TRHDE: variants seen among roughly 807,000 people sequenced by gnomAD.
The protein encoded by TRHDE is thyrotropin-releasing hormone-degrading ectoenzyme.
A neutral mutation model predicts 125.7 loss-of-function variants in TRHDE; 72 were observed. That is an observed-to-expected ratio of 0.57 (90% CI 0.47 to 0.70). The LOEUF (loss-of-function observed/expected upper bound fraction) is 0.70. Among genes scored for constraint, TRHDE ranks in the 30% least tolerant of loss-of-function variants. The pLI, the probability that TRHDE is intolerant of heterozygous loss-of-function variation, is 0.00. For synonymous variants in TRHDE, 509 were observed against 509.1 expected, an observed-to-expected ratio of 1.00 and a Z score of 0.00; for missense variants, 1,110 against 1,327.1, an observed-to-expected ratio of 0.84 and a Z score of 2.54.
intron 15 of TRHDE, among the ~76,000 whole-genome samples, chr12:72,628,336 G>C (rs898513241): frequency 1.3e-5 from 2 of 151,836 alleles, no homozygotes; most frequent in East Asian, 1.9e-4. Context: ...GTCTACAGGA[G>C]AGATGCACAT....
At chr12:72,105,233 T>G (rs1371891079) in intron 1 of TRHDE, among the ~76,000 whole-genome samples, 1 of 152,104 alleles carries the variant, frequency 6.6e-6, no homozygotes, top group Non-Finnish European at 1.5e-5. Context: ...AAAGCTGCCA[T>G]TGTAACTCAG....
At chr12:72,212,175 TG>T (rs201561313) in intron 2 of TRHDE, among the ~76,000 whole-genome samples, 2,408 of 152,238 alleles carry the variant, frequency 0.016, 26 homozygotes, top group Non-Finnish European at 0.026. Flanking sequence ...TTTTCTCTAA[TG>T]AACATGTATT....
intron 2 of TRHDE, among the ~76,000 whole-genome samples, chr12:72,325,286 C>T (rs1315225386): frequency 2.0e-5 from 3 of 151,968 alleles, no homozygotes; most frequent in Non-Finnish European, 4.4e-5. Context: ...GTTTTATTCT[C>T]ACATAGCCAC....
At chr12:72,512,607 AATT>A (rs946869758) in intron 6 of TRHDE, among the ~76,000 whole-genome samples, 6 of 141,910 alleles carry the variant, frequency 4.2e-5, no homozygotes, top group Admixed American at 1.5e-4. Flanking sequence ...TCATATATAT[AATT>A]ATATATAATC....
chr12:72,661,798 C>A (rs778463941), intron 18 of TRHDE, among the ~76,000 whole-genome samples: 2 of 152,034 alleles, frequency 1.3e-5, no homozygotes, highest in Non-Finnish European at 2.9e-5. Context: ...GTTTTAAGGA[C>A]AACACCCATA....
intron 12 of TRHDE, among the ~76,000 whole-genome samples, chr12:72,581,333 G>A (rs895702071): frequency 2.0e-5 from 3 of 152,156 alleles, no homozygotes; most frequent in African/African-American, 4.8e-5. Flanking sequence ...AGTTATAAAT[G>A]TGCATATCAC....
At chr12:72,559,404 G>A (rs1274701999) in intron 7 of TRHDE, among the ~76,000 whole-genome samples, 1 of 152,192 alleles carries the variant, frequency 6.6e-6, no homozygotes, top group Non-Finnish European at 1.5e-5. Context: ...TGGACCTTGT[G>A]TTTGAACCAA....
intron 12 of TRHDE, among the ~76,000 whole-genome samples, chr12:72,586,780 T>C (rs1196764260): frequency 7.0e-6 from 1 of 142,648 alleles, no homozygotes; most frequent in Non-Finnish European, 1.5e-5. Flanking sequence ...CAGGTGGTCA[T>C]GCTAACCAAA....
At chr12:72,338,338 T>C (rs1005475422) in intron 2 of TRHDE, among the ~76,000 whole-genome samples, 2 of 152,188 alleles carry the variant, frequency 1.3e-5, no homozygotes, top group Non-Finnish European at 2.9e-5. Flanking sequence ...GTAAACAGAA[T>C]GTGATCTTAA....
intron 15 of TRHDE, among the ~76,000 whole-genome samples, chr12:72,644,144 T>C (rs2136103041): frequency 6.6e-6 from 1 of 152,268 alleles, no homozygotes; most frequent in Admixed American, 6.5e-5. Flanking sequence ...CTAATTGAAA[T>C]GTTCCTGTAT....
At chr12:72,206,086 ATTTTTTTT>A (rs34424314) in intron 2 of TRHDE, among the ~76,000 whole-genome samples, 1 of 135,564 alleles carries the variant, frequency 7.4e-6, no homozygotes, top group Non-Finnish European at 1.6e-5. Context: ...CAAAGGACAG[ATTTTTTTT>A]TTTTTTTTTT....
intron 15 of TRHDE, among the ~76,000 whole-genome samples, chr12:72,649,877 C>T (rs1331700566): frequency 6.6e-6 from 1 of 151,996 alleles, no homozygotes; most frequent in East Asian, 1.9e-4. Flanking sequence ...AAACAAAACA[C>T]AGCAAATGTT....
intron 2 of TRHDE, among the ~76,000 whole-genome samples, chr12:72,299,721 G>A (rs182719401): frequency 2.6e-5 from 4 of 152,250 alleles, no homozygotes; most frequent in African/African-American, 7.2e-5. Context: ...AATCAACTCA[G>A]TGTCCTCTTT....
At chr12:72,597,466 G>A (rs1168398527) in intron 12 of TRHDE, among the ~76,000 whole-genome samples, 2 of 151,588 alleles carry the variant, frequency 1.3e-5, no homozygotes, top group Admixed American at 6.6e-5. Flanking sequence ...TCAGGAGTTC[G>A]AGACCAGCCT....
chr12:72,108,081 G>A (rs945617196), intron 2 of TRHDE, among the ~76,000 whole-genome samples: 1 of 152,046 alleles, frequency 6.6e-6, no homozygotes, highest in Admixed American at 6.6e-5. Context: ...GCCAGGAGAA[G>A]GCATAGCACT....
intron 15 of TRHDE, among the ~76,000 whole-genome samples, chr12:72,635,553 T>G (rs1565818124): frequency 6.6e-6 from 1 of 152,162 alleles, no homozygotes; most frequent in Non-Finnish European, 1.5e-5. Context: ...TTGCTTTTGG[T>G]GTTTTAGACA....
At chr12:72,285,546 G>A (rs1451679691) in intron 1 of TRHDE, among the ~76,000 whole-genome samples, 2 of 131,324 alleles carry the variant, frequency 1.5e-5, no homozygotes, top group African/African-American at 5.3e-5. Flanking sequence ...TTTTGAGACA[G>A]GGTCTCGCTC....
chr12:72,353,992 T>A (rs1870702551), intron 2 of TRHDE, among the ~76,000 whole-genome samples: 1 of 151,638 alleles, frequency 6.6e-6, no homozygotes, highest in Non-Finnish European at 1.5e-5. Flanking sequence ...GGATGCTTAT[T>A]ACATCAATGT....
In TRHDE at chr12:72,665,280, G is replaced by A. The variant is rs1029070288; in HGVS notation, c.*2085G>A. On this transcript the variant is annotated 3_prime_UTR_variant, in exon 19 of 19. Transcript: ENST00000261180. ...AATTACCATTTCCAGATTTGAGTTT[G>A]AAGGGCTTTTATAGTTGTATTTTCC... 6.6e-6 allele frequency: 1 copy of A among 152,404 alleles called. No homozygotes were observed. Among genetic ancestry groups the A allele is most frequent in the Non-Finnish European group, 1.5e-5 (1 of 67,940 alleles). 9.4% of individuals were successfully genotyped at this position (152,404 alleles called of 1,614,324 possible).
Sources: allele counts gnomAD v4.1 joint callset (sites outside exome capture counted in the v4.1 genomes callset), GRCh38; gene constraint gnomAD v4.1.1; transcripts MANE v1.5; gene names NCBI Gene and HGNC (gene_info 2026-07-23, HGNC 2026-07-21).